FHIT: variants seen among roughly 807,000 people sequenced by gnomAD.
FHIT encodes the protein fragile histidine triad diadenosine triphosphatase.
Under a neutral mutation model 17.9 loss-of-function variants are expected in FHIT, and 19 were observed. The ratio of observed to expected loss-of-function variants is 1.06; its 90% CI spans 0.74 to 1.56. The LOEUF (loss-of-function observed/expected upper bound fraction) is 1.56. FHIT is among the 40% of genes most tolerant of loss of function. The pLI, the probability that FHIT is intolerant of heterozygous loss-of-function variation, is 0.00. For synonymous variants in FHIT, 81 were observed against 69.7 expected (o/e 1.16, Z -0.81); for missense variants, 248 against 189.2 (o/e 1.31, Z -1.82).
intron 5 of FHIT, among the ~76,000 whole-genome samples, chr3:60,192,293 T>C (rs1253060340): frequency 1.3e-5 from 2 of 150,312 alleles, no homozygotes; most frequent in Non-Finnish European, 3.0e-5. Flanking sequence ...AGGCAAAAGT[T>C]CAATGGCCTT....
At chr3:60,988,946 TAAAAAAAAAAA>T (rs535898632) in intron 3 of FHIT, among the ~76,000 whole-genome samples, 48 of 34,326 alleles carry the variant, frequency 1.4e-3, no homozygotes, top group South Asian at 8.6e-3. Flanking sequence ...ATGGCTTTGT[TAAAAAAAAAAA>T]AAAAAAAAAA....
chr3:60,923,946 G>A (rs145255213), intron 3 of FHIT, among the ~76,000 whole-genome samples: 43 of 152,290 alleles, frequency 2.8e-4, no homozygotes, highest in African/African-American at 6.5e-4. Context: ...TACGCCCATG[G>A]AGCCTCCCTC....
intron 2 of FHIT, among the ~76,000 whole-genome samples, chr3:61,177,252 A>G (rs939033538): frequency 6.6e-6 from 1 of 151,728 alleles, no homozygotes; most frequent in African/African-American, 2.4e-5. Flanking sequence ...TCACCTTTGC[A>G]TCTAATTTTG....
At chr3:60,212,504 A>G (rs2107518941) in intron 5 of FHIT, among the ~76,000 whole-genome samples, 1 of 152,268 alleles carries the variant, frequency 6.6e-6, no homozygotes, top group South Asian at 2.1e-4. Flanking sequence ...ACTAATATCT[A>G]TTTTGGGATA....
At chr3:60,193,415 C>T (rs910234597) in intron 5 of FHIT, among the ~76,000 whole-genome samples, 2 of 152,068 alleles carry the variant, frequency 1.3e-5, no homozygotes, top group Non-Finnish European at 2.9e-5. Context: ...ACATCAATTT[C>T]CCAGTATATT....
chr3:60,045,964 C>T (rs1039540139), intron 5 of FHIT, among the ~76,000 whole-genome samples: 4 of 152,218 alleles, frequency 2.6e-5, no homozygotes, highest in African/African-American at 9.6e-5. Flanking sequence ...TACATTTCTA[C>T]AGCCAACTCT....
chr3:60,435,429 C>A (rs751421461), intron 5 of FHIT, among the ~76,000 whole-genome samples: 37 of 115,694 alleles, frequency 3.2e-4, no homozygotes, highest in Non-Finnish European at 5.9e-4. Flanking sequence ...TACTTTATAA[C>A]GTAATAAAAA....
rs144799454 is a variant in FHIT, at chr3:60,810,798, G to A, written c.-18+11121C>T. ...GAGCTTTCTGAGCCATGAATCCACT[G>A]GTGATTTCACAGTACATGAATTCTA... On this transcript the variant is annotated intron_variant, in intron 4 of 9. Transcript: ENST00000492590. 6.4e-3 allele frequency among the ~76,000 whole-genome samples: 969 copies of A among 152,276 alleles called. 6 individuals are homozygous for A. The highest frequency in any genetic ancestry group is 0.022 in the African/African-American group (932 of 41,554).
chr3:60,538,733 G>A (rs1284369630), intron 4 of FHIT, among the ~76,000 whole-genome samples: 2 of 152,186 alleles, frequency 1.3e-5, no homozygotes, highest in African/African-American at 2.4e-5. Context: ...AAACTGGCTA[G>A]CCCTATGTAG....
At chr3:59,934,458 G>A (rs1706131084) in intron 7 of FHIT, among the ~76,000 whole-genome samples, 1 of 152,110 alleles carries the variant, frequency 6.6e-6, no homozygotes. Flanking sequence ...AACAAATTGA[G>A]ATCAATCTTG....
rs968298665 is a variant in FHIT at position 59,964,385 on chromosome 3, A to T, written c.280-41971T>A. Among the ~76,000 whole-genome samples the T allele has an allele frequency of 3.9e-4, 59 of 152,084 alleles. 2 individuals carry two copies. The highest frequency in any genetic ancestry group is 7.4e-5 in the Non-Finnish European group (5 of 67,998). ...GTGGGCCAGTATCAATCATCTATTA[A>T]TCCAGAACTTTCCATACTACCTATT... On this transcript the variant is annotated intron_variant, in intron 7 of 9. Coordinates refer to ENST00000492590, the MANE Select transcript of FHIT (RefSeq NM_002012.4).
intron 8 of FHIT, among the ~76,000 whole-genome samples, chr3:59,791,861 G>A (rs528818906): frequency 6.6e-6 from 1 of 152,098 alleles, no homozygotes; most frequent in Non-Finnish European, 1.5e-5. Flanking sequence ...AGAAAGTAGG[G>A]GCGCCAAGGT....
chr3:60,510,603 G>A (rs140612852), intron 5 of FHIT, among the ~76,000 whole-genome samples: 58 of 145,394 alleles, frequency 4.0e-4, no homozygotes, highest in African/African-American at 1.5e-3. Context: ...GATCTCATGG[G>A]AGACGATAAA....
At chr3:60,953,802 G>A (rs563428694) in intron 3 of FHIT, among the ~76,000 whole-genome samples, 19 of 152,288 alleles carry the variant, frequency 1.2e-4, no homozygotes, top group Non-Finnish European at 2.1e-4. Flanking sequence ...TAGAAGAGAC[G>A]AAGACGAGAA....
chr3:61,157,375 G>C (rs2037562556), intron 2 of FHIT, among the ~76,000 whole-genome samples: 1 of 152,118 alleles, frequency 6.6e-6, no homozygotes, highest in Admixed American at 6.5e-5. Context: ...TCACTTCTGA[G>C]TATATATTAA....
Position 61,199,267 on chromosome 3 carries a change from G to A in FHIT, c.-164+1350C>T, listed in dbSNP as rs1473285915. ...AGAGGAAAGGAAGCACCATATCTGTGCCAAAAGATTACAAAGTTGTTAAGA... is the reference window on the plus strand; with the variant it reads ...AGAGGAAAGGAAGCACCATATCTGTACCAAAAGATTACAAAGTTGTTAAGA... On this transcript the variant is annotated intron_variant, in intron 2 of 9. Coordinates refer to ENST00000492590, the MANE Select transcript of FHIT (RefSeq NM_002012.4). Among the ~76,000 whole-genome samples the A allele has an allele frequency of 3.9e-5, 6 of 152,170 alleles. No homozygotes were observed. The East Asian group carries it at 9.6e-4, about 24-fold the overall frequency.
chr3:60,853,815 A>C (rs1033991450), intron 3 of FHIT, among the ~76,000 whole-genome samples: 3 of 152,082 alleles, frequency 2.0e-5, no homozygotes, highest in Admixed American at 6.6e-5. Context: ...ATAAAGCTTT[A>C]TTTTTTTGCA....
intron 5 of FHIT, among the ~76,000 whole-genome samples, chr3:60,431,831 C>T (rs1281149069): frequency 6.6e-6 from 1 of 152,056 alleles, no homozygotes; most frequent in Non-Finnish European, 1.5e-5. Flanking sequence ...TTTTTATGGC[C>T]ACCCTGAGAC....
At chr3:60,885,567 T>C (rs1317905915) in intron 3 of FHIT, among the ~76,000 whole-genome samples, 1 of 152,172 alleles carries the variant, frequency 6.6e-6, no homozygotes. Context: ...ACAGTTACTC[T>C]TATGAGAAAT....
Sources: allele counts gnomAD v4.1 joint callset (sites outside exome capture counted in the v4.1 genomes callset), GRCh38; gene constraint gnomAD v4.1.1; transcripts MANE v1.5; gene names NCBI Gene and HGNC (gene_info 2026-07-23, HGNC 2026-07-21).